UPF2: variants seen among roughly 807,000 people sequenced by gnomAD.
UPF2 encodes the protein regulator of nonsense transcripts 2.
Under a neutral mutation model 141.4 loss-of-function variants are expected in UPF2, and 17 were observed. That is an observed-to-expected ratio of 0.12 (90% CI 0.08 to 0.18). The LOEUF (loss-of-function observed/expected upper bound fraction) is 0.18. Among genes scored for constraint, UPF2 ranks in the 10% least tolerant of loss-of-function variants. The probability of loss-of-function intolerance (pLI) is 1.00; values close to 1 mark genes in which losing one functional copy is unlikely to be tolerated. For synonymous variants in UPF2, 540 were observed against 498.0 expected (o/e 1.08, Z -1.12); for missense variants, 1,152 against 1,515.9 (o/e 0.76, Z 3.99).
intron 3 of UPF2, among the ~76,000 whole-genome samples, chr10:12,017,903 C>T (rs1480867219): frequency 6.6e-6 from 1 of 152,132 alleles, no homozygotes; most frequent in Non-Finnish European, 1.5e-5. Flanking sequence ...GCCCTCCAAC[C>T]CCCAGATTTT....
intron 9 of UPF2, among the ~76,000 whole-genome samples, chr10:11,975,185 C>T (rs891265090): frequency 1.3e-5 from 2 of 152,106 alleles, no homozygotes; most frequent in African/African-American, 4.8e-5. Flanking sequence ...TGCGTGAGTC[C>T]AGAAGTTTGA....
At chr10:11,955,661 G>C (rs1833137253) in intron 13 of UPF2, among the ~76,000 whole-genome samples, 154 bp from the exon 14 acceptor site, 1 of 152,172 alleles carries the variant, frequency 6.6e-6, no homozygotes, top group Middle Eastern at 3.4e-3. Context: ...TTACTTCTAG[G>C]TGTCCTTTTC....
Position 11,979,219 on chromosome 10 carries a change from C to G in UPF2, c.1845-54G>C. ...AAGGAAAGACATATCAAAAATAATTCATTTTAAAATTTAAACTTTTCAGAT... is the reference window on the plus strand; with the variant it reads ...AAGGAAAGACATATCAAAAATAATTGATTTTAAAATTTAAACTTTTCAGAT... On this transcript the variant is annotated intron_variant, in intron 8 of 21. Coordinates refer to ENST00000357604, the MANE Select transcript of UPF2 (RefSeq NM_015542.4). This position sits in a 1 kb window ranked among gnomAD's most constrained non-coding sequence, Gnocchi z 6.2. 1 of 1,395,394 alleles carries G rather than the reference C, an allele frequency of 7.2e-7. No homozygotes were observed. The highest frequency in any genetic ancestry group is 1.3e-5 in the South Asian group (1 of 78,506). 86.4% of individuals were successfully genotyped at this position (1,395,394 alleles called of 1,614,324 possible).
intron 2 of UPF2, among the ~76,000 whole-genome samples, chr10:12,032,518 C>G (rs1300198374): frequency 6.6e-6 from 1 of 151,348 alleles, no homozygotes; most frequent in Non-Finnish European, 1.5e-5. Flanking sequence ...TGAAATTTTC[C>G]CAGGAGCTCA....
chr10:11,984,730 A>AG (rs1833658334), intron 8 of UPF2, among the ~76,000 whole-genome samples: 1 of 151,600 alleles, frequency 6.6e-6, no homozygotes, highest in Non-Finnish European at 1.5e-5. Context: ...AAAAAAAAAA[A>AG]AAAAAAGAGT....
rs1255860336 is a variant in UPF2, at chr10:12,014,461, A to T, written c.1146-277T>A. 1.3e-5 allele frequency among the ~76,000 whole-genome samples: 2 copies of T among 152,212 alleles called. No individual in the cohort carries two copies. The highest frequency in any genetic ancestry group is 2.9e-5 in the Non-Finnish European group (2 of 68,036). On this transcript the variant is annotated intron_variant, in intron 3 of 21. Transcript: ENST00000357604. The surrounding 1 kb of genome is among the most constrained non-coding windows in gnomAD (Gnocchi z 5.0). ...ATATACATCTAAATAATTTTAAATT[A>T]TTCAGTATTTTATTACAGTCACACT...
At chr10:11,927,788 A>C (rs1832731067) in intron 21 of UPF2, among the ~76,000 whole-genome samples, 1 of 152,134 alleles carries the variant, frequency 6.6e-6, no homozygotes, top group Non-Finnish European at 1.5e-5. Flanking sequence ...TCTACATTAC[A>C]ATTTGATTAG....
chr10:11,963,382 G>A (rs1049793735), intron 11 of UPF2, among the ~76,000 whole-genome samples: 20 of 151,234 alleles, frequency 1.3e-4, no homozygotes, highest in Non-Finnish European at 1.5e-5. Context: ...CTGCCGCCCA[G>A]GCTGGAGTGC....
intron 1 of UPF2, among the ~76,000 whole-genome samples, chr10:12,038,722 C>G (rs1235597022): frequency 6.6e-6 from 1 of 151,770 alleles, no homozygotes; most frequent in Non-Finnish European, 1.5e-5. Flanking sequence ...GACGGAGACT[C>G]CGTCTCAAAA....
intron 8 of UPF2, among the ~76,000 whole-genome samples, chr10:11,981,898 C>G (rs531655789): frequency 6.6e-6 from 1 of 152,184 alleles, no homozygotes; most frequent in Non-Finnish European, 1.5e-5. Flanking sequence ...ATTGGCCAGG[C>G]TGGTCTTGAA....
intron 9 of UPF2, among the ~76,000 whole-genome samples, chr10:11,969,661 T>C (rs532976227): frequency 9.8e-5 from 15 of 152,370 alleles, no homozygotes; most frequent in African/African-American, 3.4e-4. Flanking sequence ...AAATGTTTCA[T>C]ATACATGCAC....
At chr10:12,000,329 A>T (rs965867475) in intron 6 of UPF2, among the ~76,000 whole-genome samples, 2 of 152,182 alleles carry the variant, frequency 1.3e-5, no homozygotes, top group Non-Finnish European at 2.9e-5. Context: ...ATGTTCTTCC[A>T]TTAACAGCAC....
In UPF2 at chr10:11,930,886, C is replaced by T. The variant is rs969657826; in HGVS notation, c.3688+755G>A. On this transcript the variant is annotated intron_variant, in intron 20 of 21. Transcript: ENST00000357604. ...TACACACACTCTCCTGCACAGATGG[C>T]GGTTTATTCATTCAGTACAGTGCTG... Among the ~76,000 whole-genome samples the T allele has an allele frequency of 2.6e-5, 4 of 152,206 alleles. No individual in the cohort carries two copies. In the East Asian group the frequency reaches 5.8e-4, roughly 22 times the overall value.
chr10:11,959,076 T>G lies in UPF2; in HGVS notation c.2370+95A>C. 5 of 1,233,142 alleles carry G rather than the reference T, an allele frequency of 4.1e-6. No individual in the cohort carries two copies. Among genetic ancestry groups the G allele is most frequent in the Non-Finnish European group, 4.3e-6 (4 of 927,270 alleles). The allele number at this position is 1,233,142 out of a possible 1,614,324, so 76.4% of individuals were successfully genotyped here. ...ACACAGAGCTGATTATAAAGGAACTTGAGCTCTACCCCCACTTCTCCTAGA... is the reference window on the plus strand; with the variant it reads ...ACACAGAGCTGATTATAAAGGAACTGGAGCTCTACCCCCACTTCTCCTAGA... On this transcript the variant is annotated intron_variant, in intron 12 of 21. Transcript: ENST00000357604. This position sits in a 1 kb window ranked among gnomAD's most constrained non-coding sequence, Gnocchi z 5.9.
At chr10:12,001,866 A>G (rs765064209) in intron 5 of UPF2, 41 bp from the exon 6 acceptor site, 1 of 1,517,632 alleles carries the variant, frequency 6.6e-7, no homozygotes, top group Non-Finnish European at 8.8e-7. Flanking sequence ...TCAAAGTCAT[A>G]TGAAAATCCT....
At position 12,013,146 on chromosome 10, in the gene UPF2, T is replaced by C. The variant is rs117880494; in HGVS notation, c.1306+878A>G. On this transcript the variant is annotated intron_variant, in intron 4 of 21. Coordinates refer to ENST00000357604, the MANE Select transcript of UPF2 (RefSeq NM_015542.4). ...TCTCAAAAAAAAAAAAGTGTAAGAA[T>C]TATGTACATTATTATATATAAATAC... Among the ~76,000 whole-genome samples, 1,197 of 151,366 alleles carry C rather than the reference T, an allele frequency of 7.9e-3. 41 individuals are homozygous for C. The highest frequency in any genetic ancestry group is 0.056 in the Admixed American group (842 of 15,126).
intron 9 of UPF2, among the ~76,000 whole-genome samples, chr10:11,972,588 T>G (rs1833438164): frequency 6.6e-6 from 1 of 152,134 alleles, no homozygotes; most frequent in African/African-American, 2.4e-5. Context: ...TGTGTCCAAG[T>G]GTTCTGATTG....
At chr10:11,952,976 T>A (rs116480755) in intron 14 of UPF2, among the ~76,000 whole-genome samples, 2,051 of 152,304 alleles carry the variant, frequency 0.013, 43 homozygotes, top group African/African-American at 0.042. Flanking sequence ...TTTTGAAGAG[T>A]TAAAGTATCT....
chr10:11,944,929 C>CACCTG (rs1413452636), intron 16 of UPF2, among the ~76,000 whole-genome samples: 2 of 152,230 alleles, frequency 1.3e-5, no homozygotes, highest in East Asian at 1.9e-4. Context: ...GCTCTGCCAT[C>CACCTG]ACCTGCTCTA....
Sources: gnomAD v4.1 joint callset for allele counts (sites outside exome capture counted in the v4.1 genomes callset) on GRCh38, gnomAD v4.1.1 for gene constraint, Gnocchi (gnomAD v3.1) non-coding constraint, MANE v1.5 for transcripts, NCBI Gene and HGNC (gene_info 2026-07-23, HGNC 2026-07-21) for gene names.